KCNQ5: variants seen among roughly 807,000 people sequenced by gnomAD.
The protein encoded by KCNQ5 is potassium voltage-gated channel subfamily Q member 5, also known as potassium voltage-gated channel subfamily KQT member 5.
In KCNQ5, 30 loss-of-function variants were observed where a neutral mutation model predicts 98.2. The ratio of observed to expected loss-of-function variants is 0.31; its 90% CI spans 0.23 to 0.41. KCNQ5 has a LOEUF of 0.41. Ranked by LOEUF, KCNQ5 falls within the 10% of genes least tolerant of loss-of-function variation. The probability of loss-of-function intolerance (pLI) is 1.00; values close to 1 mark genes in which losing one functional copy is unlikely to be tolerated. For missense variants in KCNQ5, 835 were observed against 1,182.5 expected (o/e 0.71, Z 4.31); for synonymous variants, 458 against 449.4 (o/e 1.02, Z -0.24).
intron 1 of KCNQ5, among the ~76,000 whole-genome samples, chr6:72,801,084 G>GA (rs1248367255): frequency 6.6e-6 from 1 of 152,052 alleles, no homozygotes; most frequent in South Asian, 2.1e-4. Context: ...GTGTGGTGCT[G>GA]AAAAAAATGT....
intron 1 of KCNQ5, among the ~76,000 whole-genome samples, chr6:72,863,925 C>A (rs890681064): frequency 6.6e-6 from 1 of 152,264 alleles, no homozygotes; most frequent in East Asian, 1.9e-4. Context: ...TTTGACCACC[C>A]CTTTCCCCTA....
intron 1 of KCNQ5, among the ~76,000 whole-genome samples, chr6:72,847,381 G>A (rs138452925): frequency 3.9e-4 from 59 of 152,186 alleles, no homozygotes; most frequent in Admixed American, 8.5e-4. Context: ...GGCTGGTCTC[G>A]AACTCCTGGC....
rs80248563 is a variant in KCNQ5 at position 72,892,150 on chromosome 6, A to G, written c.399-111758A>G. 4.8e-3 allele frequency among the ~76,000 whole-genome samples: 732 copies of G among 152,286 alleles called. 12 individuals are homozygous for G. Among genetic ancestry groups the G allele is most frequent in the East Asian group, 0.02 (106 of 5,176 alleles). Reference sequence around the variant, plus strand: ...TCAAAAAGGAAAACCATTAACATTTACTGGGTGCTTGCTAAAAGAGCATCA... The same window carrying G: ...TCAAAAAGGAAAACCATTAACATTTGCTGGGTGCTTGCTAAAAGAGCATCA... On this transcript the variant is annotated intron_variant, in intron 1 of 13. Coordinates refer to ENST00000370398, the MANE Select transcript of KCNQ5 (RefSeq NM_019842.4).
At chr6:72,644,290 G>T (rs1231687997) in intron 1 of KCNQ5, among the ~76,000 whole-genome samples, 3 of 152,008 alleles carry the variant, frequency 2.0e-5, no homozygotes, top group Admixed American at 6.6e-5. Flanking sequence ...AATATATATT[G>T]TTGATTCATT....
At chr6:72,886,869 T>A (rs933405261) in intron 1 of KCNQ5, among the ~76,000 whole-genome samples, 1 of 152,138 alleles carries the variant, frequency 6.6e-6, no homozygotes, top group African/African-American at 2.4e-5. Context: ...TATTAAAAAC[T>A]GGAACTAAAT....
chr6:72,717,387 T>C (rs1180548101), intron 1 of KCNQ5, among the ~76,000 whole-genome samples: 1 of 152,234 alleles, frequency 6.6e-6, no homozygotes, highest in East Asian at 1.9e-4. Context: ...ATACAACATA[T>C]ACTTGTATTG....
chr6:72,749,860 A>G (rs1387373247), intron 1 of KCNQ5, among the ~76,000 whole-genome samples: 1 of 152,158 alleles, frequency 6.6e-6, no homozygotes, highest in East Asian at 1.9e-4. Flanking sequence ...ATTAAAAACA[A>G]ACATTTAAAT....
chr6:72,884,244 TA>T (rs1778764636), intron 1 of KCNQ5, among the ~76,000 whole-genome samples: 1 of 152,198 alleles, frequency 6.6e-6, no homozygotes, highest in South Asian at 2.1e-4. Context: ...CAAATCCTGG[TA>T]AAAACTACTT....
At chr6:73,054,652 G>A (rs1025373230) in intron 3 of KCNQ5, among the ~76,000 whole-genome samples, 6 of 152,086 alleles carry the variant, frequency 3.9e-5, no homozygotes, top group East Asian at 1.9e-4. Flanking sequence ...ATCCCTTCAC[G>A]TTAAAAACCC....
intron 1 of KCNQ5, among the ~76,000 whole-genome samples, chr6:72,909,755 A>G (rs966396161): frequency 1.3e-5 from 2 of 152,210 alleles, no homozygotes; most frequent in African/African-American, 4.8e-5. Flanking sequence ...CAAAGCAGAT[A>G]CCTAAAGGAA....
At chr6:72,855,031 C>T (rs558858870) in intron 1 of KCNQ5, among the ~76,000 whole-genome samples, 6 of 151,964 alleles carry the variant, frequency 3.9e-5, no homozygotes, top group South Asian at 2.1e-4. Flanking sequence ...TCATCAATGA[C>T]CATTGTTTTA....
chr6:72,635,178 C>G (rs564498370), intron 1 of KCNQ5, among the ~76,000 whole-genome samples: 27 of 150,726 alleles, frequency 1.8e-4, no homozygotes, highest in African/African-American at 6.3e-4. Flanking sequence ...AGGCACAGAC[C>G]ACCATGCCCA....
intron 1 of KCNQ5, among the ~76,000 whole-genome samples, chr6:72,920,623 A>G (rs929926067): frequency 6.6e-6 from 1 of 152,226 alleles, no homozygotes; most frequent in African/African-American, 2.4e-5. Context: ...TTGAGTGAAG[A>G]AAAAGCCTGA....
chr6:72,716,626 C>A (rs1769658789), intron 1 of KCNQ5, among the ~76,000 whole-genome samples: 1 of 152,040 alleles, frequency 6.6e-6, no homozygotes, highest in African/African-American at 2.4e-5. Flanking sequence ...ACAGGTAAGA[C>A]TGGTTTAGTG....
chr6:72,899,196 G>A (rs181755086), intron 1 of KCNQ5, among the ~76,000 whole-genome samples: 3 of 152,154 alleles, frequency 2.0e-5, no homozygotes, highest in Admixed American at 1.3e-4. Flanking sequence ...ATAATTTCAT[G>A]GCCTGATATT....
chr6:72,956,257 C>T (rs192324935), intron 1 of KCNQ5, among the ~76,000 whole-genome samples: 175 of 152,304 alleles, frequency 1.1e-3, no homozygotes, highest in African/African-American at 4.2e-3. Flanking sequence ...CTCAAAGCCA[C>T]ACAACAAGTC....
At position 72,683,210 on chromosome 6, in the gene KCNQ5, G is replaced by A. The variant is rs116137429; in HGVS notation, c.398+60623G>A. ...AAGTGTGTCTGAACCCCAAAGCCAA[G>A]CCTTTGCTGTCAGACTTTCTGAGGC... On this transcript the variant is annotated intron_variant, in intron 1 of 13. Coordinates refer to ENST00000370398, the MANE Select transcript of KCNQ5 (RefSeq NM_019842.4). Among the ~76,000 whole-genome samples, 508 of 152,164 alleles carry A rather than the reference G, an allele frequency of 3.3e-3. 4 individuals are homozygous for A. The highest frequency in any genetic ancestry group is 0.012 in the African/African-American group (488 of 41,506).
At chr6:72,903,778 G>T (rs1384232125) in intron 1 of KCNQ5, among the ~76,000 whole-genome samples, 1 of 152,172 alleles carries the variant, frequency 6.6e-6, no homozygotes, top group East Asian at 1.9e-4. Context: ...AAAGTTCCAT[G>T]CACTGTTGAA....
At chr6:72,852,653 A>ATATATATATATATATATC (rs1777320742) in intron 1 of KCNQ5, among the ~76,000 whole-genome samples, 1 of 128,232 alleles carries the variant, frequency 7.8e-6, no homozygotes, top group Admixed American at 7.5e-5. Flanking sequence ...ATATATATAT[A>ATATATATATATATATATC]TATATATAAA....
Sources: gnomAD v4.1 joint callset for allele counts (sites outside exome capture counted in the v4.1 genomes callset) on GRCh38, gnomAD v4.1.1 for gene constraint, MANE v1.5 for transcripts, NCBI Gene and HGNC (gene_info 2026-07-23, HGNC 2026-07-21) for gene names.